Variants in KCNMB2 observed in about 807,000 individuals in gnomAD.
The protein encoded by KCNMB2 is potassium calcium-activated channel subfamily M regulatory beta subunit 2.
In KCNMB2, 9 loss-of-function variants were observed where a neutral mutation model predicts 24.5. That is an observed-to-expected ratio of 0.37 (90% CI 0.22 to 0.64). KCNMB2 has a LOEUF of 0.64. Ranked by LOEUF, KCNMB2 falls within the 30% of genes least tolerant of loss-of-function variation. KCNMB2 has a pLI of 0.63. For synonymous variants in KCNMB2, 109 were observed against 104.4 expected (o/e 1.04, Z -0.27); for missense variants, 226 against 284.3 (o/e 0.79, Z 1.47).
chr3:178,776,097 C>G (rs909044302), intron 1 of KCNMB2, among the ~76,000 whole-genome samples: 1 of 152,112 alleles, frequency 6.6e-6, no homozygotes, highest in Admixed American at 6.6e-5. Context: ...CCCCAAGTGT[C>G]TTCTTTGTCA....
At chr3:178,709,499 TC>T (rs1249051841) in intron 1 of KCNMB2, among the ~76,000 whole-genome samples, 2 of 152,196 alleles carry the variant, frequency 1.3e-5, no homozygotes, top group African/African-American at 4.8e-5. Context: ...CAGTGCTAGG[TC>T]AATAGCAAAA....
intron 1 of KCNMB2, among the ~76,000 whole-genome samples, chr3:178,545,636 T>C (rs1356925045): frequency 1.3e-5 from 2 of 152,218 alleles, no homozygotes; most frequent in Non-Finnish European, 2.9e-5. Context: ...ATGTCTTGAG[T>C]TTGGTTTTGC....
chr3:178,697,827 T>G (rs1019446920), intron 1 of KCNMB2, among the ~76,000 whole-genome samples: 1 of 152,204 alleles, frequency 6.6e-6, no homozygotes, highest in African/African-American at 2.4e-5. Flanking sequence ...CATTTGCTTG[T>G]CAGAAAAGAA....
At chr3:178,741,061 G>C (rs1026917583) in intron 1 of KCNMB2, among the ~76,000 whole-genome samples, 5 of 152,196 alleles carry the variant, frequency 3.3e-5, no homozygotes, top group African/African-American at 1.2e-4. Context: ...ATCCTCGACT[G>C]TCTGGCAGAC....
chr3:178,611,388 G>T (rs55815857), intron 1 of KCNMB2, among the ~76,000 whole-genome samples: 35,312 of 151,792 alleles, frequency 0.23, 4,465 homozygotes, highest in Middle Eastern at 0.38. Context: ...GCTAAAGGTT[G>T]GTCAACTTTG....
At chr3:178,705,405 C>T (rs747289893) in intron 1 of KCNMB2, among the ~76,000 whole-genome samples, 1 of 152,110 alleles carries the variant, frequency 6.6e-6, no homozygotes, top group African/African-American at 2.4e-5. Context: ...TCTCTTAGGT[C>T]GTTCCATAGG....
At chr3:178,616,747 C>T (rs1488707449) in intron 1 of KCNMB2, among the ~76,000 whole-genome samples, 1 of 152,108 alleles carries the variant, frequency 6.6e-6, no homozygotes, top group African/African-American at 2.4e-5. Context: ...CACCATCTTG[C>T]CCTGCCTCCT....
chr3:178,646,204 G>C (rs1043082714), intron 1 of KCNMB2, among the ~76,000 whole-genome samples: 3 of 152,158 alleles, frequency 2.0e-5, no homozygotes, highest in African/African-American at 7.2e-5. Context: ...GAGATAGTTT[G>C]AAGATCACAG....
At chr3:178,760,885 G>A (rs751858386) in intron 1 of KCNMB2, among the ~76,000 whole-genome samples, 3 of 151,598 alleles carry the variant, frequency 2.0e-5, no homozygotes, top group African/African-American at 7.3e-5. Flanking sequence ...GATATTTAGG[G>A]TTTACTTTTT....
At chr3:178,756,364 G>A (rs1451382366) in intron 1 of KCNMB2, among the ~76,000 whole-genome samples, 2 of 151,922 alleles carry the variant, frequency 1.3e-5, no homozygotes, top group African/African-American at 4.8e-5. Context: ...CTATTCCTAT[G>A]GGAAATAAAG....
intron 1 of KCNMB2, among the ~76,000 whole-genome samples, chr3:178,677,073 A>C (rs904021291): frequency 1.3e-5 from 2 of 152,102 alleles, no homozygotes; most frequent in African/African-American, 4.8e-5. Flanking sequence ...GAATGACTCC[A>C]CCTGCAATTG....
intron 1 of KCNMB2, among the ~76,000 whole-genome samples, chr3:178,762,709 G>A (rs902738135): frequency 1.8e-4 from 28 of 152,054 alleles, no homozygotes; most frequent in African/African-American, 6.8e-4. Context: ...TAGTTAGAGA[G>A]ATATATTGGA....
intron 1 of KCNMB2, among the ~76,000 whole-genome samples, chr3:178,746,061 G>T (rs1723655414): frequency 6.6e-6 from 1 of 152,196 alleles, no homozygotes; most frequent in African/African-American, 2.4e-5. Flanking sequence ...ACTAGGTGGT[G>T]CCCCGGTAGG....
chr3:178,683,948 T>G lies in KCNMB2; in HGVS notation c.-67-123395T>G, dbSNP rs868146381. Among the ~76,000 whole-genome samples, 12 of 152,112 alleles carry G rather than the reference T, an allele frequency of 7.9e-5. No individual in the cohort carries two copies. The South Asian group carries it at 8.3e-4, about 11-fold the overall frequency. On this transcript the variant is annotated intron_variant, in intron 1 of 4. Coordinates refer to ENST00000452583, the MANE Select transcript of KCNMB2 (RefSeq NM_181361.3). ...AACTACCCCATGATCCAACAACCCC[T>G]CTTCTGGTCAAATACTCAGAGTAAA...
intron 2 of KCNMB2, among the ~76,000 whole-genome samples, chr3:178,811,107 A>T (rs1234955565): frequency 6.6e-5 from 10 of 152,110 alleles, no homozygotes; most frequent in African/African-American, 2.4e-4. Flanking sequence ...GAAATTAAAG[A>T]AGAGAGAGGT....
chr3:178,616,472 C>T (rs762403568), intron 1 of KCNMB2, among the ~76,000 whole-genome samples: 7 of 152,138 alleles, frequency 4.6e-5, no homozygotes, highest in African/African-American at 9.7e-5. Flanking sequence ...TTCAATGCCT[C>T]GAAATTGCTG....
chr3:178,772,461 A>T (rs1046970829), intron 1 of KCNMB2, among the ~76,000 whole-genome samples: 3 of 152,152 alleles, frequency 2.0e-5, no homozygotes, highest in African/African-American at 7.2e-5. Context: ...TGACAGTTTT[A>T]AAAAAACAGG....
At chr3:178,827,135 T>C (rs1243809136) in intron 3 of KCNMB2, among the ~76,000 whole-genome samples, 1 of 152,136 alleles carries the variant, frequency 6.6e-6, no homozygotes, top group Non-Finnish European at 1.5e-5. Context: ...GAAAACATGT[T>C]TTCCCATTGC....
intron 1 of KCNMB2, among the ~76,000 whole-genome samples, chr3:178,716,147 CAT>C (rs1722610838): frequency 6.6e-6 from 1 of 152,224 alleles, no homozygotes; most frequent in Admixed American, 6.5e-5. Flanking sequence ...AGTTTGATCA[CAT>C]ACCCGCTAAC....
Sources: gnomAD v4.1 joint callset for allele counts (sites outside exome capture counted in the v4.1 genomes callset) on GRCh38, gnomAD v4.1.1 for gene constraint, MANE v1.5 for transcripts, NCBI Gene and HGNC (gene_info 2026-07-23, HGNC 2026-07-21) for gene names.